Variants in UBE2E2 observed in about 807,000 individuals in gnomAD.
UBE2E2 encodes the protein ubiquitin-conjugating enzyme E2 E2.
UBE2E2 carries 6 observed loss-of-function variants against 24.7 expected under a neutral mutation model. The ratio of observed to expected loss-of-function variants is 0.24; its 90% confidence interval spans 0.13 to 0.48. The LOEUF is 0.48. Ranked by LOEUF, UBE2E2 falls within the 20% of genes least tolerant of loss-of-function variation. UBE2E2 has a pLI of 0.99. For missense variants in UBE2E2, 169 were observed against 245.0 expected (o/e 0.69, Z 2.07); for synonymous variants, 104 against 83.6 (o/e 1.24, Z -1.33).
intron 3 of UBE2E2, among the ~76,000 whole-genome samples, chr3:23,438,761 G>A (rs1698235818): frequency 1.3e-5 from 2 of 152,158 alleles, no homozygotes; most frequent in South Asian, 4.1e-4. Context: ...AAATGGAAAA[G>A]AGAAACTTAA....
At chr3:23,395,199 C>A (rs1697045900) in intron 3 of UBE2E2, among the ~76,000 whole-genome samples, 1 of 152,090 alleles carries the variant, frequency 6.6e-6, no homozygotes, top group South Asian at 2.1e-4. Flanking sequence ...TACCTTTATC[C>A]CTCACAGCTT....
At chr3:23,230,903 G>A (rs562603533) in intron 3 of UBE2E2, among the ~76,000 whole-genome samples, 3 of 152,038 alleles carry the variant, frequency 2.0e-5, no homozygotes, top group African/African-American at 7.2e-5. Context: ...AGCTTATTCT[G>A]TGTGATTTTG....
chr3:23,401,887 T>G lies in UBE2E2; in HGVS notation c.228-97721T>G, dbSNP rs950567132. Among the ~76,000 whole-genome samples, 4 of 134,614 alleles carry G rather than the reference T, an allele frequency of 3.0e-5. No individual in the cohort carries two copies. In the South Asian group the frequency reaches 1.0e-3, roughly 35 times the overall value. The allele number at this position is 134,614 out of a possible 152,430, so 88.3% of individuals were successfully genotyped here. On this transcript the variant is annotated intron_variant, in intron 3 of 5. Coordinates refer to ENST00000396703, the MANE Select transcript of UBE2E2 (RefSeq NM_152653.4). ...TTTTTTTTTTTTGTGAGATGGAGTC[T>G]CGCTGTGTCACCCAGGCTGGAGTGC...
At chr3:23,307,151 T>A (rs1231921496) in intron 3 of UBE2E2, among the ~76,000 whole-genome samples, 3 of 152,204 alleles carry the variant, frequency 2.0e-5, no homozygotes, top group Admixed American at 2.0e-4. Flanking sequence ...TTGATGACTT[T>A]CTGCCTCCCT....
intron 3 of UBE2E2, among the ~76,000 whole-genome samples, chr3:23,353,201 A>G (rs1476828244): frequency 3.3e-5 from 5 of 152,028 alleles, no homozygotes; most frequent in South Asian, 2.1e-4. Flanking sequence ...CATGCTAAAA[A>G]CTCTCAATAA....
chr3:23,405,179 G>A (rs1024046514), intron 3 of UBE2E2, among the ~76,000 whole-genome samples: 1 of 152,096 alleles, frequency 6.6e-6, no homozygotes, highest in African/African-American at 2.4e-5. Flanking sequence ...AGTATAATGT[G>A]GTAGACCATT....
intron 3 of UBE2E2, among the ~76,000 whole-genome samples, chr3:23,219,356 T>C (rs1575478677): frequency 1.3e-5 from 2 of 152,212 alleles, no homozygotes; most frequent in Non-Finnish European, 2.9e-5. Context: ...GGTGTGCTTA[T>C]TAAGTGCATC....
chr3:23,437,108 T>C (rs1698201427), intron 3 of UBE2E2, among the ~76,000 whole-genome samples: 1 of 152,198 alleles, frequency 6.6e-6, no homozygotes, highest in South Asian at 2.1e-4. Context: ...TCTTGTTCTT[T>C]CTCCCTTTCA....
chr3:23,266,474 CT>C (rs1559325427), intron 3 of UBE2E2, among the ~76,000 whole-genome samples: 1 of 152,126 alleles, frequency 6.6e-6, no homozygotes, highest in Non-Finnish European at 1.5e-5. Context: ...TTGGCCCCCC[CT>C]CTCTTCTGGC....
At chr3:23,419,977 A>G (rs1055080300) in intron 3 of UBE2E2, among the ~76,000 whole-genome samples, 3 of 152,186 alleles carry the variant, frequency 2.0e-5, no homozygotes, top group Non-Finnish European at 4.4e-5. Flanking sequence ...CAAAATGCCT[A>G]CTACTGGTGG....
At chr3:23,569,148 A>G (rs1488830067) in intron 5 of UBE2E2, among the ~76,000 whole-genome samples, 1 of 152,244 alleles carries the variant, frequency 6.6e-6, no homozygotes, top group Admixed American at 6.5e-5. Flanking sequence ...TAATTTGATA[A>G]TAAAAAGGAA....
Position 23,524,865 on chromosome 3 carries a change from GACACACACACAC to G in UBE2E2, c.361-7672_361-7661del, listed in dbSNP as rs59806964. On this transcript the variant is annotated intron_variant, in intron 4 of 5. Coordinates refer to ENST00000396703, the MANE Select transcript of UBE2E2 (RefSeq NM_152653.4). The stretch of plus-strand genomic sequence containing the variant: ...AGATACAGATACACACAGACACACA[GACACACACACAC>G]ACACACACACACACACGTGTGCACT... Among the ~76,000 whole-genome samples the G allele has an allele frequency of 5.1e-4, 75 of 147,534 alleles. 1 individual carries two copies. The highest frequency in any genetic ancestry group is 1.7e-3 in the African/African-American group (70 of 40,074).
chr3:23,584,586 G>A (rs568039820), intron 5 of UBE2E2, among the ~76,000 whole-genome samples: 4 of 150,382 alleles, frequency 2.7e-5, no homozygotes, highest in East Asian at 1.9e-4. Context: ...AGACGGTCTC[G>A]CTCTTTCGCC....
chr3:23,203,159 T>C (rs1696005139), upstream of UBE2E2: 3 of 985,126 alleles, frequency 3.0e-6, no homozygotes, highest in Non-Finnish European at 3.6e-6. Context: ...AGGTGGTGGC[T>C]TCACTTTCCA....
intron 4 of UBE2E2, among the ~76,000 whole-genome samples, chr3:23,519,523 G>A (rs970890437): frequency 9.2e-5 from 14 of 152,156 alleles, no homozygotes; most frequent in Non-Finnish European, 1.6e-4. Context: ...AGAATATTCT[G>A]TGTGCTGAGA....
At chr3:23,373,739 C>T (rs1696453483) in intron 3 of UBE2E2, among the ~76,000 whole-genome samples, 1 of 152,034 alleles carries the variant, frequency 6.6e-6, no homozygotes, top group Admixed American at 6.6e-5. Context: ...GGATGTATGT[C>T]ACCATCCTGG....
At chr3:23,278,408 A>T (rs1698416407) in intron 3 of UBE2E2, among the ~76,000 whole-genome samples, 1 of 152,162 alleles carries the variant, frequency 6.6e-6, no homozygotes, top group South Asian at 2.1e-4. Context: ...TCATTGTAAG[A>T]CAATATAATT....
chr3:23,486,573 AC>A (rs1179667586), intron 3 of UBE2E2, among the ~76,000 whole-genome samples: 1 of 152,094 alleles, frequency 6.6e-6, no homozygotes, highest in African/African-American at 2.4e-5. Flanking sequence ...AGCTGACCTG[AC>A]CCCACCACTG....
intron 5 of UBE2E2, among the ~76,000 whole-genome samples, chr3:23,566,202 C>G (rs1361724885): frequency 6.6e-6 from 1 of 152,178 alleles, no homozygotes; most frequent in Non-Finnish European, 1.5e-5. Context: ...GGAACAGTCC[C>G]TGCTGAAGAC....
Sources: gnomAD v4.1 joint callset for allele counts (sites outside exome capture counted in the v4.1 genomes callset) on GRCh38, gnomAD v4.1.1 for gene constraint, MANE v1.5 for transcripts, NCBI Gene and HGNC (gene_info 2026-07-23, HGNC 2026-07-21) for gene names.